ODF2: variants seen among roughly 807,000 people sequenced by gnomAD.
The protein encoded by ODF2 is outer dense fiber protein 2.
Under a neutral mutation model 110.2 loss-of-function variants are expected in ODF2, and 47 were observed. The observed-to-expected ratio is 0.43, with a 90% CI of 0.34 to 0.54. The LOEUF (loss-of-function observed/expected upper bound fraction) is 0.54, where lower values mean the gene tolerates loss of function less well. Among genes scored for constraint, ODF2 ranks in the 20% least tolerant of loss-of-function variants. The pLI, the probability that ODF2 is intolerant of heterozygous loss-of-function variation, is 0.03. For synonymous variants in ODF2, 352 were observed against 397.7 expected (o/e 0.89, Z 1.37); for missense variants, 812 against 1,054.5 (o/e 0.77, Z 3.19).
intron 8 of ODF2, among the ~76,000 whole-genome samples, chr9:128,474,906 G>C (rs1001179474): frequency 6.6e-6 from 1 of 152,068 alleles, no homozygotes; most frequent in African/African-American, 2.4e-5. Context: ...GGAGGTTGCA[G>C]TGAGCCGAGA....
At chr9:128,497,643 CA>C (rs1347163364) in intron 18 of ODF2, 6 of 147,894 alleles carry the variant, frequency 4.1e-5, no homozygotes, top group East Asian at 2.0e-4. Flanking sequence ...GACTCCATCT[CA>C]AAAAAAAAGA....
At chr9:128,483,533 T>C (rs941828642) in intron 10 of ODF2, among the ~76,000 whole-genome samples, 16 of 150,134 alleles carry the variant, frequency 1.1e-4, no homozygotes, top group Non-Finnish European at 8.9e-5. Context: ...CAATGAGTCA[T>C]GGTCACGCCA....
intron 18 of ODF2, chr9:128,496,435 G>A: frequency 1.0e-6 from 1 of 958,372 alleles, no homozygotes; most frequent in Non-Finnish European, 1.4e-6. Context: ...GGAGGGCCCA[G>A]TTTGAATGGA....
intron 12 of ODF2, 101 bp downstream of exon 12, chr9:128,484,987 A>T: frequency 8.4e-7 from 1 of 1,193,540 alleles, no homozygotes; most frequent in Non-Finnish European, 1.2e-6. Context: ...GGGTGGGTGG[A>T]TGAGGGATGG....
Position 128,494,834 on chromosome 9 carries a change from A to C in ODF2, c.1911+166A>C. 1.3e-6 allele frequency: 2 copies of C among 1,508,750 alleles called. No homozygotes were observed. Among genetic ancestry groups the C allele is most frequent in the Non-Finnish European group, 1.8e-6 (2 of 1,128,700 alleles). 93.5% of individuals were successfully genotyped at this position (1,508,750 alleles called of 1,614,324 possible). On this transcript the variant is annotated intron_variant, in intron 17 of 20. Coordinates refer to ENST00000604420, the Ensembl canonical transcript of ODF2. The surrounding 1 kb of genome is among the most constrained non-coding windows in gnomAD (Gnocchi z 4.6). ...CTGTGAAATAAAAGTCTGGTGTGCC[A>C]AATGCCATGTGTTTGCACAAAGTGA...
rs551192358 is a variant in ODF2, at chr9:128,471,747, G to A, written c.581+279G>A. ...GTGATATTTAAGGGGTGTCCTGCAG[G>A]ATGGTTAAGCATTCGGCAGGTGGGT... On this transcript the variant is annotated intron_variant, in intron 6 of 20. Coordinates refer to ENST00000604420, the Ensembl canonical transcript of ODF2. 2.0e-5 allele frequency among the ~76,000 whole-genome samples: 3 copies of A among 152,262 alleles called. No individual in the cohort carries two copies. In the South Asian group the frequency reaches 6.2e-4, roughly 32 times the overall value.
chr9:128,483,396 G>A (rs1316823678), intron 10 of ODF2, among the ~76,000 whole-genome samples: 1 of 151,594 alleles, frequency 6.6e-6, no homozygotes, highest in African/African-American at 2.4e-5. Context: ...AACACAGGGA[G>A]ACCCCATCTC....
intron 8 of ODF2, among the ~76,000 whole-genome samples, chr9:128,474,122 G>A (rs1840696637): frequency 6.6e-6 from 1 of 152,262 alleles, no homozygotes; most frequent in African/African-American, 2.4e-5. Context: ...GTTCTCTGAG[G>A]GTGGGCATGG....
chr9:128,476,040 A>T (rs1184809667), intron 8 of ODF2, among the ~76,000 whole-genome samples: 1 of 151,564 alleles, frequency 6.6e-6, no homozygotes, highest in South Asian at 2.1e-4. Flanking sequence ...AGTTTTGTGC[A>T]TGTTGTGAAA....
intron 4 of ODF2, among the ~76,000 whole-genome samples, chr9:128,463,650 A>G (rs1030712061): frequency 8.2e-4 from 125 of 152,102 alleles, no homozygotes; most frequent in Non-Finnish European, 1.0e-4. Flanking sequence ...GATGCACAAC[A>G]TATAACATTT....
chr9:128,481,731 G>C, intron 9 of ODF2, 80 bp downstream of exon 9: 2 of 1,163,512 alleles, frequency 1.7e-6, no homozygotes, highest in Non-Finnish European at 2.5e-6. Flanking sequence ...AGAGGTGCTT[G>C]GATCAAGGCA....
exon 6 of ODF2, chr9:128,471,397 T>A (rs145221530): frequency 2.1e-5 from 34 of 1,613,318 alleles, no homozygotes; most frequent in Non-Finnish European, 2.7e-5. Context: ...ACGAACTGGC[T>A]GAGACTGAGC....
At position 128,484,428 on chromosome 9, in the gene ODF2, G is replaced by T. The variant is rs185883844; in HGVS notation, c.1105-273G>T. Among the ~76,000 whole-genome samples, 87 of 152,276 alleles carry T rather than the reference G, an allele frequency of 5.7e-4. 2 individuals carry two copies. The highest frequency in any genetic ancestry group is 6.8e-3 in the Middle Eastern group (2 of 294). The stretch of plus-strand genomic sequence containing the variant: ...AGGAACTATCTCTGACCACAAGGCT[G>T]GGAGTTCAGGGAAGGATTCCAGAGC... On this transcript the variant is annotated intron_variant, in intron 11 of 20. Coordinates refer to ENST00000604420, the Ensembl canonical transcript of ODF2.
chr9:128,483,961 G>A (rs767957639), exon 11 of ODF2: 15 of 1,613,810 alleles, frequency 9.3e-6, no homozygotes, highest in African/African-American at 1.3e-5. Context: ...CAGCCTCTGA[G>A]CTTTCTAAAT....
At chr9:128,457,684 TGTC>T (rs1481978246) in intron 2 of ODF2, among the ~76,000 whole-genome samples, 2 of 152,196 alleles carry the variant, frequency 1.3e-5, no homozygotes, top group Non-Finnish European at 2.9e-5. Context: ...TCACTCTTGT[TGTC>T]TTTATATAAT....
chr9:128,474,346 A>G (rs1402399816), intron 8 of ODF2, among the ~76,000 whole-genome samples: 1 of 152,144 alleles, frequency 6.6e-6, no homozygotes, highest in Non-Finnish European at 1.5e-5. Context: ...TACAAAAATT[A>G]GCCAGGTGTG....
intron 4 of ODF2, among the ~76,000 whole-genome samples, chr9:128,462,555 G>A (rs1836760143): frequency 6.6e-6 from 1 of 151,998 alleles, no homozygotes; most frequent in Non-Finnish European, 1.5e-5. Context: ...TTTCGTCTAG[G>A]AAGTTGTCCT....
In ODF2 at chr9:128,494,575, G is replaced by T. The variant is rs372513630; in HGVS notation, c.1818G>T (p.Thr606=). 1.2e-6 allele frequency: 2 copies of T among 1,614,154 alleles called. No individual in the cohort carries two copies. The highest frequency in any genetic ancestry group is 1.7e-6 in the Non-Finnish European group (2 of 1,180,030). The change falls in exon 17 of 21, where the codon ACG becomes ACT. Residue 606 remains threonine, a synonymous_variant. Coordinates refer to ENST00000604420, the Ensembl canonical transcript of ODF2. The surrounding 1 kb of genome is among the most constrained non-coding windows in gnomAD (Gnocchi z 4.6). ...AGCTCCCTGACATCCTGAAGATCAC[G>T]GAGGCGAAGCTGGCTGAGTGCCAAG... is the stretch of plus-strand genomic sequence containing the variant.
chr9:128,494,396 G>A lies in ODF2; in HGVS notation c.1753-114G>A. The A allele has an allele frequency of 1.1e-6, 1 of 886,970 alleles. No individual in the cohort carries two copies. Among genetic ancestry groups the A allele is most frequent in the Non-Finnish European group, 1.8e-6 (1 of 569,068 alleles). 54.9% of individuals were successfully genotyped at this position (886,970 alleles called of 1,614,324 possible). On this transcript the variant is annotated intron_variant, in intron 16 of 20. Transcript: ENST00000604420. This position sits in a 1 kb window ranked among gnomAD's most constrained non-coding sequence, Gnocchi z 4.6. ...GTGGATTTTGCAGGATCCTCCACTG[G>A]GGACTGTGTCAGCCCTGCCCTAACT...
Sources: allele counts gnomAD v4.1 joint callset (sites outside exome capture counted in the v4.1 genomes callset), GRCh38; gene constraint gnomAD v4.1.1; non-coding constraint Gnocchi (gnomAD v3.1); transcripts MANE v1.5; gene names NCBI Gene and HGNC (gene_info 2026-07-23, HGNC 2026-07-21).